VGLL4: variants seen among roughly 807,000 people sequenced by gnomAD.
VGLL4 encodes vestigial like family member 4.
A neutral mutation model predicts 21.0 loss-of-function variants in VGLL4; 7 were observed. That is an observed-to-expected ratio of 0.33 (90% confidence interval 0.19 to 0.63). The LOEUF (loss-of-function observed/expected upper bound fraction) is 0.63, where lower values mean the gene tolerates loss of function less well. VGLL4 is among the 20% of genes least tolerant of loss of function. VGLL4 has a pLI of 0.78. For missense variants in VGLL4, 394 were observed against 425.7 expected, an observed-to-expected ratio of 0.93 and a Z score of 0.66; for synonymous variants, 222 against 173.2, an observed-to-expected ratio of 1.28 and a Z score of -2.21.
At chr3:11,644,160 G>A (rs1378555824), upstream of VGLL4, among the ~76,000 whole-genome samples, 2 of 152,120 alleles carry the variant, frequency 1.3e-5, no homozygotes, top group African/African-American at 4.8e-5. Flanking sequence ...AACCCAGGAA[G>A]TTTCTTTTTC....
intron 2 of VGLL4, among the ~76,000 whole-genome samples, chr3:11,702,210 C>T (rs549926333): frequency 2.6e-5 from 4 of 152,214 alleles, no homozygotes; most frequent in Non-Finnish European, 4.4e-5. Context: ...TTTATCTCAA[C>T]ATCTGAGACA....
At chr3:11,720,212 G>A (rs1409481457) in intron 1 of VGLL4, among the ~76,000 whole-genome samples, 1 of 2,360 alleles carries the variant, frequency 4.2e-4, no homozygotes, top group East Asian at 0.013. Context: ...GCCGCCCTCC[G>A]CTTCCCCCGG....
intron 1 of VGLL4, among the ~76,000 whole-genome samples, chr3:11,624,926 G>A (rs1363239475): frequency 2.6e-5 from 4 of 152,188 alleles, no homozygotes; most frequent in East Asian, 1.9e-4. Context: ...CACGCTCTGA[G>A]AGGCCGCCGC....
At chr3:11,713,393 G>A (rs1472518637) in intron 1 of VGLL4, among the ~76,000 whole-genome samples, 4 of 151,928 alleles carry the variant, frequency 2.6e-5, no homozygotes, top group Middle Eastern at 3.4e-3. Context: ...TCACGCTGCC[G>A]TAATTTGAAG....
At chr3:11,655,453 G>C (rs2075943845) in intron 2 of VGLL4, among the ~76,000 whole-genome samples, 1 of 151,856 alleles carries the variant, frequency 6.6e-6, no homozygotes, top group Admixed American at 6.6e-5. Context: ...GGCACCACCT[G>C]GTCATTTGTA....
At chr3:11,628,780 A>G (rs966508255) in intron 1 of VGLL4, among the ~76,000 whole-genome samples, 8 of 152,256 alleles carry the variant, frequency 5.3e-5, no homozygotes, top group African/African-American at 1.7e-4. Context: ...AGATCGCACC[A>G]CTTCACTCCA....
intron 2 of VGLL4, among the ~76,000 whole-genome samples, chr3:11,655,168 A>C (rs1404735519): frequency 6.6e-6 from 1 of 152,230 alleles, no homozygotes; most frequent in Non-Finnish European, 1.5e-5. Context: ...AATTTGGTAA[A>C]TCTGCAGTAG....
At chr3:11,622,873 C>T (rs1316932919) in intron 1 of VGLL4, among the ~76,000 whole-genome samples, 2 of 152,216 alleles carry the variant, frequency 1.3e-5, no homozygotes, top group Non-Finnish European at 2.9e-5. Context: ...GAGAGGCTTC[C>T]ATCTGTTGGA....
At chr3:11,561,228 G>T (rs1442875724) in intron 3 of VGLL4, among the ~76,000 whole-genome samples, 1 of 152,164 alleles carries the variant, frequency 6.6e-6, no homozygotes, top group Admixed American at 6.5e-5. Flanking sequence ...GAACTGGGGA[G>T]ACATTTCGAG....
chr3:11,570,979 C>T (rs1293872378), intron 2 of VGLL4, among the ~76,000 whole-genome samples: 1 of 152,162 alleles, frequency 6.6e-6, no homozygotes, highest in African/African-American at 2.4e-5. Context: ...TCCTCTGTGC[C>T]AATTTTAGAC....
chr3:11,597,442 G>A (rs9811988), intron 2 of VGLL4, among the ~76,000 whole-genome samples: 123,133 of 151,952 alleles, frequency 0.81, 50,262 homozygotes, highest in Non-Finnish European at 0.86. Context: ...ACAGTGTCAT[G>A]GATAGGTTAA....
At chr3:11,714,743 A>G (rs1374708541) in intron 1 of VGLL4, among the ~76,000 whole-genome samples, 3 of 152,154 alleles carry the variant, frequency 2.0e-5, no homozygotes, top group Non-Finnish European at 4.4e-5. Context: ...ATTTATTTGA[A>G]GACTTAAAAT....
At chr3:11,587,318 G>C (rs536725790) in intron 2 of VGLL4, among the ~76,000 whole-genome samples, 73 of 152,346 alleles carry the variant, frequency 4.8e-4, no homozygotes, top group Non-Finnish European at 8.5e-4. Flanking sequence ...GCGCCTTTCA[G>C]CAATGCCTCC....
chr3:11,719,798 C>T lies in VGLL4; in HGVS notation c.-14+596G>A, dbSNP rs1211466126. ...GCAGGGAGAGGCCGCTTTCCCTCCC[C>T]CGCCAGCTGCGCGCCCGGTGCCAGC... On this transcript the variant is annotated intron_variant, in intron 1 of 5. Coordinates refer to the VGLL4 transcript ENST00000273038. The surrounding 1 kb of genome is among the most constrained non-coding windows in gnomAD (Gnocchi z 4.0). Among the ~76,000 whole-genome samples, 2 of 152,132 alleles carry T rather than the reference C, an allele frequency of 1.3e-5. No homozygotes were observed. The highest frequency in any genetic ancestry group is 2.9e-5 in the Non-Finnish European group (2 of 68,010).
chr3:11,700,166 A>G (rs921936838), intron 2 of VGLL4, among the ~76,000 whole-genome samples: 1 of 152,186 alleles, frequency 6.6e-6, no homozygotes, highest in African/African-American at 2.4e-5. Context: ...TAAGGGTTCA[A>G]TCATCACTCA....
intron 2 of VGLL4, among the ~76,000 whole-genome samples, chr3:11,696,839 G>C (rs1054044005): frequency 1.3e-5 from 2 of 152,130 alleles, no homozygotes; most frequent in African/African-American, 4.8e-5. Context: ...CCCAGGATCA[G>C]GTGATCCTCC....
chr3:11,571,622 G>A (rs1392678428), intron 2 of VGLL4, among the ~76,000 whole-genome samples: 1 of 152,134 alleles, frequency 6.6e-6, no homozygotes, highest in Non-Finnish European at 1.5e-5. Context: ...AGCCATGACA[G>A]AGCCACTGCA....
In VGLL4 at chr3:11,565,489, C is replaced by T. The variant is rs200030179; in HGVS notation, c.273-470G>A. 2.6e-5 allele frequency among the ~76,000 whole-genome samples: 4 copies of T among 152,178 alleles called. No homozygotes were observed. Among genetic ancestry groups the T allele is most frequent in the Non-Finnish European group, 1.5e-5 (1 of 68,048 alleles). The stretch of plus-strand genomic sequence containing the variant: ...ATCTTCCTCACAGTACTGCTCAGCC[C>T]GTCTTCCTAACAGCACTAAGCAGGC... On this transcript the variant is annotated intron_variant, in intron 2 of 4. Coordinates refer to ENST00000430365, the MANE Select transcript of VGLL4 (RefSeq NM_001128219.3). This position sits in a 1 kb window ranked among gnomAD's most constrained non-coding sequence, Gnocchi z 4.1.
At chr3:11,716,790 C>T (rs756987054) in intron 1 of VGLL4, among the ~76,000 whole-genome samples, 1 of 151,964 alleles carries the variant, frequency 6.6e-6, no homozygotes, top group Non-Finnish European at 1.5e-5. Flanking sequence ...TCTTATGATA[C>T]TGGGTTTTTT....
Sources: allele counts gnomAD v4.1 joint callset (sites outside exome capture counted in the v4.1 genomes callset), GRCh38; gene constraint gnomAD v4.1.1; non-coding constraint Gnocchi (gnomAD v3.1); transcripts MANE v1.5; gene names NCBI Gene and HGNC (gene_info 2026-07-23, HGNC 2026-07-21).